The following PCDHGB6 variants were observed in gnomAD, a reference collection of about 807,000 sequenced individuals.
The protein encoded by PCDHGB6 is protocadherin gamma-B6.
In PCDHGB6, 51 loss-of-function variants were observed where a neutral mutation model predicts 59.1. That is an observed-to-expected ratio of 0.86 (90% CI 0.69 to 1.09). The LOEUF (loss-of-function observed/expected upper bound fraction) is 1.09, where lower values mean the gene tolerates loss of function less well. Ranked by LOEUF, PCDHGB6 falls within the 50% of genes least tolerant of loss-of-function variation. PCDHGB6 has a pLI of 0.00. For synonymous variants in PCDHGB6, 466 were observed against 495.1 expected, an observed-to-expected ratio of 0.94 and a Z score of 0.78; for missense variants, 1,148 against 1,205.1, an observed-to-expected ratio of 0.95 and a Z score of 0.70.
At chr5:141,423,342 C>A in intron 1 of PCDHGB6, 1 of 1,613,824 alleles carries the variant, frequency 6.2e-7, no homozygotes, top group South Asian at 1.1e-5. Flanking sequence ...CCTGCATCTT[C>A]CTGGTCTTTG....
chr5:141,510,795 G>T (rs994874330), intron 3 of PCDHGB6, 152 bp from the exon 4 acceptor site: 6 of 1,465,214 alleles, frequency 4.1e-6, no homozygotes. Flanking sequence ...CTTGTGAAGA[G>T]AGACTACCTT....
intron 1 of PCDHGB6, among the ~76,000 whole-genome samples, chr5:141,483,722 C>G (rs1043315057): frequency 6.6e-6 from 1 of 152,080 alleles, no homozygotes; most frequent in Non-Finnish European, 1.5e-5. Context: ...TATTGGTTCC[C>G]ACCATAGTCA....
intron 1 of PCDHGB6, chr5:141,422,581 G>A (rs1223117895): frequency 3.7e-6 from 6 of 1,613,984 alleles, no homozygotes; most frequent in Non-Finnish European, 4.2e-6. Flanking sequence ...TAACCCTCCC[G>A]TTTTTCCTCA....
At chr5:141,503,804 G>A (rs2099831736) in intron 2 of PCDHGB6, among the ~76,000 whole-genome samples, 1 of 152,034 alleles carries the variant, frequency 6.6e-6, no homozygotes, top group South Asian at 2.1e-4. Flanking sequence ...TAGGGACGGG[G>A]AATCCCAGAT....
intron 1 of PCDHGB6, among the ~76,000 whole-genome samples, chr5:141,455,322 G>A (rs376682363): frequency 1.3e-5 from 2 of 152,134 alleles, no homozygotes; most frequent in East Asian, 3.9e-4. Context: ...TTTTGTGTGT[G>A]TGTTTGTGGT....
intron 2 of PCDHGB6, among the ~76,000 whole-genome samples, chr5:141,500,381 T>G (rs1013284512): frequency 7.2e-5 from 11 of 151,786 alleles, no homozygotes; most frequent in African/African-American, 2.7e-4. Flanking sequence ...GCTAATTATT[T>G]TGTATTTTTA....
At chr5:141,504,462 G>A (rs1375731108) in intron 2 of PCDHGB6, among the ~76,000 whole-genome samples, 5 of 152,074 alleles carry the variant, frequency 3.3e-5, no homozygotes, top group African/African-American at 9.7e-5. Flanking sequence ...TGGGGCAGCC[G>A]CTGGGATGGG....
chr5:141,437,762 A>G (rs1286042187), intron 1 of PCDHGB6, among the ~76,000 whole-genome samples: 1 of 149,476 alleles, frequency 6.7e-6, no homozygotes, highest in African/African-American at 2.5e-5. Context: ...TTTTTGAGAC[A>G]GAGTCTCAAT....
intron 1 of PCDHGB6, among the ~76,000 whole-genome samples, chr5:141,445,357 G>C (rs115045385): frequency 0.013 from 1,909 of 152,252 alleles, 31 homozygotes; most frequent in African/African-American, 0.044. Flanking sequence ...GTCTGCCCAA[G>C]TCTGGTCCTG....
At chr5:141,422,966 C>A (rs762530904) in intron 1 of PCDHGB6, 1 of 1,614,112 alleles carries the variant, frequency 6.2e-7, no homozygotes, top group Admixed American at 1.7e-5. Flanking sequence ...GAGCTGGCGC[C>A]CCGCTCTGCG....
chr5:141,481,030 C>A (rs1277171839), intron 1 of PCDHGB6, among the ~76,000 whole-genome samples: 1 of 152,024 alleles, frequency 6.6e-6, no homozygotes, highest in African/African-American at 2.4e-5. Context: ...TGCACTCCAG[C>A]CTGGGCGACA....
intron 1 of PCDHGB6, chr5:141,415,740 G>GTTTTTTTTTTTTTGTTT (rs2095912299): frequency 1.9e-6 from 1 of 515,998 alleles, no homozygotes; most frequent in Non-Finnish European, 2.6e-6. Context: ...GTTTATTAAG[G>GTTTTTTTTTTTTTGTTT]TTTTTTTTTT....
rs1415142555 is a variant in PCDHGB6, at chr5:141,476,011, A to G, written c.2419-18796A>G. The G allele has an allele frequency of 7.6e-7, 1 of 1,311,282 alleles. No individual in the cohort carries two copies. The highest frequency in any genetic ancestry group is 1.0e-6 in the Non-Finnish European group (1 of 962,238). 81.2% of individuals were successfully genotyped at this position (1,311,282 alleles called of 1,614,324 possible). ...GCAAATCAACGGCATCCAGAAAGCC[A>G]TGTCGGACTCGGCGCCCAGCGCCCA... On this transcript the variant is annotated intron_variant, in intron 1 of 3. Coordinates refer to ENST00000520790, the MANE Select transcript of PCDHGB6 (RefSeq NM_018926.3). This position sits in a 1 kb window ranked among gnomAD's most constrained non-coding sequence, Gnocchi z 7.6.
rs376561050 is a variant in PCDHGB6 at position 141,410,428 on chromosome 5, C to A, written c.2226C>A (p.Asn742Lys). 5.0e-6 allele frequency: 8 copies of A among 1,613,906 alleles called. No homozygotes were observed. The highest frequency in any genetic ancestry group is 1.3e-5 in the African/African-American group (1 of 74,938). The change falls in exon 1 of 4, where the codon AAC becomes AAA. Residue 742 changes from asparagine (N) to lysine (K), a missense_variant. Transcript: ENST00000520790. ...AGTCTGGACCTGTAGTTCCCCCCAA[C>A]TACAGTGAGGGGACTTTGCCTTATT... ...CVKSGPVVPP[N>K]YSEGTLPYSY...
chr5:141,469,404 G>A (rs1439441297), intron 1 of PCDHGB6, among the ~76,000 whole-genome samples: 7 of 151,874 alleles, frequency 4.6e-5, no homozygotes, highest in African/African-American at 1.5e-4. Flanking sequence ...GTGAAACCCC[G>A]TTTCTACTAA....
chr5:141,462,774 A>G (rs890366708), intron 1 of PCDHGB6, among the ~76,000 whole-genome samples: 1 of 152,126 alleles, frequency 6.6e-6, no homozygotes, highest in Admixed American at 6.6e-5. Context: ...GCTTGGGGTC[A>G]TAATTTGTTG....
rs2097400915 is a variant in PCDHGB6, at chr5:141,431,619, A to G, written c.2418+20999A>G. The stretch of plus-strand genomic sequence containing the variant: ...TATTCCTTCCGGTATGTGGACGACA[A>G]GGCGGCCCAAGTTTTCAAACTAGAT... On this transcript the variant is annotated intron_variant, in intron 1 of 3. Coordinates refer to ENST00000520790, the MANE Select transcript of PCDHGB6 (RefSeq NM_018926.3). The surrounding 1 kb of genome is among the most constrained non-coding windows in gnomAD (Gnocchi z 4.8). 3.1e-6 allele frequency: 5 copies of G among 1,614,230 alleles called. No homozygotes were observed. The highest frequency in any genetic ancestry group is 4.5e-5 in the East Asian group (2 of 44,880).
intron 2 of PCDHGB6, among the ~76,000 whole-genome samples, chr5:141,500,901 G>A (rs984072329): frequency 7.6e-5 from 11 of 144,582 alleles, no homozygotes; most frequent in African/African-American, 2.6e-4. Flanking sequence ...AGACAGTCTC[G>A]CTCTGTCTCC....
intron 1 of PCDHGB6, among the ~76,000 whole-genome samples, chr5:141,454,796 ATTTTTTTTTTTTT>A (rs61612330): frequency 7.8e-5 from 6 of 77,408 alleles, no homozygotes; most frequent in African/African-American, 1.2e-4. Flanking sequence ...CATGGTTCTA[ATTTTTTTTTTTTT>A]TTTTTTTTTT....
Sources: allele counts gnomAD v4.1 joint callset (sites outside exome capture counted in the v4.1 genomes callset), GRCh38; gene constraint gnomAD v4.1.1; non-coding constraint Gnocchi (gnomAD v3.1); transcripts MANE v1.5; gene names NCBI Gene and HGNC (gene_info 2026-07-23, HGNC 2026-07-21).